Variants in XYLT1 observed in about 807,000 individuals in gnomAD.
XYLT1 encodes beta-D-xylosyltransferase 1.
XYLT1 carries 36 observed loss-of-function variants against 91.3 expected under a neutral mutation model. That is an observed-to-expected ratio of 0.39 (90% confidence interval 0.30 to 0.52). The LOEUF (loss-of-function observed/expected upper bound fraction) is 0.52. Ranked by LOEUF, XYLT1 falls within the 20% of genes least tolerant of loss-of-function variation. XYLT1 has a pLI of 0.68. For synonymous variants in XYLT1, 588 were observed against 532.0 expected, an observed-to-expected ratio of 1.11 and a Z score of -1.45; for missense variants, 1,242 against 1,284.5, an observed-to-expected ratio of 0.97 and a Z score of 0.51.
intron 2 of XYLT1, among the ~76,000 whole-genome samples, chr16:17,335,749 C>T (rs537799292): frequency 1.1e-3 from 168 of 151,030 alleles, no homozygotes; most frequent in African/African-American, 3.9e-3. Flanking sequence ...TTGCCCTATC[C>T]ATGTAATGTC....
At chr16:17,252,020 C>T (rs765091351) in intron 3 of XYLT1, among the ~76,000 whole-genome samples, 1 of 152,100 alleles carries the variant, frequency 6.6e-6, no homozygotes, top group Non-Finnish European at 1.5e-5. Context: ...ATGGCTGACA[C>T]CATCAAAGAA....
At chr16:17,291,849 G>T (rs1255076234) in intron 2 of XYLT1, among the ~76,000 whole-genome samples, 1 of 152,138 alleles carries the variant, frequency 6.6e-6, no homozygotes, top group Non-Finnish European at 1.5e-5. Flanking sequence ...ATAAAACACA[G>T]TGTGGGGACG....
rs111933275 is a variant in XYLT1 at position 17,148,243 on chromosome 16, A to C, written c.1371-6874T>G. On this transcript the variant is annotated intron_variant, in intron 6 of 11. Transcript: ENST00000261381. ...TAAGCGCTGTTCACCCAAGCAATGA[A>C]CCGACTCAACCATCAATCCCTTCTT... Among the ~76,000 whole-genome samples, 866 of 152,298 alleles carry C rather than the reference A, an allele frequency of 5.7e-3. 9 individuals carry two copies. The highest frequency in any genetic ancestry group is 0.019 in the African/African-American group (805 of 41,564).
intron 3 of XYLT1, among the ~76,000 whole-genome samples, chr16:17,234,068 G>T (rs1018094009): frequency 6.6e-6 from 1 of 152,130 alleles, no homozygotes; most frequent in Non-Finnish European, 1.5e-5. Context: ...AAGAAGACCG[G>T]ACCTAAGACA....
intron 3 of XYLT1, among the ~76,000 whole-genome samples, chr16:17,246,792 T>C (rs1323578678): frequency 2.0e-5 from 3 of 152,188 alleles, no homozygotes; most frequent in Admixed American, 6.5e-5. Context: ...GGATATGCTA[T>C]AGCAGCCAGT....
chr16:17,465,236 C>T (rs2036877539), intron 1 of XYLT1, among the ~76,000 whole-genome samples: 1 of 149,074 alleles, frequency 6.7e-6, no homozygotes, highest in African/African-American at 2.5e-5. Flanking sequence ...GAACGCAACT[C>T]GGAAAGGTGG....
At chr16:17,320,519 C>A (rs536610977) in intron 2 of XYLT1, among the ~76,000 whole-genome samples, 1 of 137,854 alleles carries the variant, frequency 7.3e-6, no homozygotes, top group East Asian at 2.1e-4. Context: ...CTTGCTCTGT[C>A]ACCAGGCTGC....
At chr16:17,466,771 CT>C (rs963445305) in intron 1 of XYLT1, among the ~76,000 whole-genome samples, 1 of 152,156 alleles carries the variant, frequency 6.6e-6, no homozygotes, top group Non-Finnish European at 1.5e-5. Context: ...TATTTTAACA[CT>C]TTCCATGATA....
chr16:17,344,329 A>C (rs540820430), intron 2 of XYLT1, among the ~76,000 whole-genome samples: 158 of 143,296 alleles, frequency 1.1e-3, no homozygotes, highest in African/African-American at 3.9e-3. Flanking sequence ...AAAAAATACA[A>C]AAAAAAAAAA....
At chr16:17,284,714 C>G (rs147974405) in intron 2 of XYLT1, among the ~76,000 whole-genome samples, 1 of 151,962 alleles carries the variant, frequency 6.6e-6, no homozygotes, top group Non-Finnish European at 1.5e-5. Flanking sequence ...CCCAGGAGTT[C>G]GAGGCTGCAG....
rs1032027514 is a variant in XYLT1 at position 17,179,062 on chromosome 16, C to T, written c.1289+19150G>A. On this transcript the variant is annotated intron_variant, in intron 5 of 11. Transcript: ENST00000261381. ...CCAGCCAGGGTGACAGAATGAGACC[C>T]TGTCTCAAAAAAAAAAAAAAAGTTT... Among the ~76,000 whole-genome samples, 4 of 149,422 alleles carry T rather than the reference C, an allele frequency of 2.7e-5. No homozygotes were observed. The East Asian group carries it at 7.8e-4, about 29-fold the overall frequency.
At chr16:17,192,746 G>C (rs1042725067) in intron 5 of XYLT1, 7 of 151,132 alleles carry the variant, frequency 4.6e-5, no homozygotes, top group African/African-American at 1.2e-4. Flanking sequence ...ATGTCCACAA[G>C]TGAATTGGAT....
intron 2 of XYLT1, among the ~76,000 whole-genome samples, chr16:17,350,888 C>T (rs1322627871): frequency 6.6e-6 from 1 of 152,176 alleles, no homozygotes; most frequent in Admixed American, 6.5e-5. Context: ...TTTGCACAAA[C>T]AAGCCTGTGG....
chr16:17,140,657 TCAAAAAAAAAA>T (rs1567292653), intron 7 of XYLT1, among the ~76,000 whole-genome samples: 1 of 28,966 alleles, frequency 3.5e-5, no homozygotes. Flanking sequence ...GAAGACTGTC[TCAAAAAAAAAA>T]AAAAAAAAAA....
intron 2 of XYLT1, among the ~76,000 whole-genome samples, chr16:17,328,147 G>A (rs537617006): frequency 1.3e-3 from 193 of 152,156 alleles, no homozygotes; most frequent in Admixed American, 4.1e-3. Flanking sequence ...CAGGTGCCCC[G>A]GGTTTACCAC....
At chr16:17,189,464 G>T (rs1364066091) in intron 5 of XYLT1, among the ~76,000 whole-genome samples, 1 of 152,178 alleles carries the variant, frequency 6.6e-6, no homozygotes, top group Non-Finnish European at 1.5e-5. Flanking sequence ...CCCATATGAT[G>T]GAGCTGCATC....
intron 1 of XYLT1, among the ~76,000 whole-genome samples, chr16:17,442,577 G>C (rs914290391): frequency 1.3e-5 from 2 of 152,106 alleles, no homozygotes; most frequent in Admixed American, 6.5e-5. Context: ...ACTGCCACAG[G>C]CTGCCTGGAG....
chr16:17,327,260 A>G (rs908378936), intron 2 of XYLT1, among the ~76,000 whole-genome samples: 3 of 152,248 alleles, frequency 2.0e-5, no homozygotes, highest in Non-Finnish European at 4.4e-5. Flanking sequence ...TGTATATTTA[A>G]GAATTATTCA....
At chr16:17,398,869 G>A (rs998535656) in intron 1 of XYLT1, among the ~76,000 whole-genome samples, 2 of 69,642 alleles carry the variant, frequency 2.9e-5, no homozygotes, top group Non-Finnish European at 5.2e-5. Context: ...GTTTTTGGCA[G>A]AGTCTTGCTC....
Sources: allele counts gnomAD v4.1 joint callset (sites outside exome capture counted in the v4.1 genomes callset), GRCh38; gene constraint gnomAD v4.1.1; transcripts MANE v1.5; gene names NCBI Gene and HGNC (gene_info 2026-07-23, HGNC 2026-07-21).